The following MAGI2 variants were observed in gnomAD, a reference collection of about 807,000 sequenced individuals.
The protein encoded by MAGI2 is membrane associated guanylate kinase, WW and PDZ domain containing 2.
Under a neutral mutation model 133.3 loss-of-function variants are expected in MAGI2, and 35 were observed. That is an observed-to-expected ratio of 0.26 (90% CI 0.20 to 0.35). The LOEUF (loss-of-function observed/expected upper bound fraction) is 0.35, where lower values mean the gene tolerates loss of function less well. MAGI2 is among the 10% of genes least tolerant of loss of function. The pLI, the probability that MAGI2 is intolerant of heterozygous loss-of-function variation, is 1.00. For synonymous variants in MAGI2, 729 were observed against 710.6 expected, an observed-to-expected ratio of 1.03 and a Z score of -0.41; for missense variants, 1,636 against 1,863.4, an observed-to-expected ratio of 0.88 and a Z score of 2.25.
At chr7:78,781,025 T>G (rs1826350939) in intron 2 of MAGI2, among the ~76,000 whole-genome samples, 2 of 152,194 alleles carry the variant, frequency 1.3e-5, no homozygotes, top group Admixed American at 6.5e-5. Flanking sequence ...TTCTGATTAC[T>G]GAAACAATTT....
At chr7:79,404,651 T>C (rs529240146) in intron 1 of MAGI2, among the ~76,000 whole-genome samples, 1 of 152,220 alleles carries the variant, frequency 6.6e-6, no homozygotes, top group African/African-American at 2.4e-5. Flanking sequence ...AGACCACCCT[T>C]AGACCCAGGC....
chr7:78,066,030 A>G (rs967947988), intron 21 of MAGI2, among the ~76,000 whole-genome samples: 2 of 152,202 alleles, frequency 1.3e-5, no homozygotes, highest in African/African-American at 4.8e-5. Context: ...CTGTCATTTG[A>G]GAATCAGTCA....
intron 20 of MAGI2, among the ~76,000 whole-genome samples, chr7:78,109,652 A>C (rs80308874): frequency 0.12 from 18,812 of 152,184 alleles, 1,359 homozygotes; most frequent in South Asian, 0.19. Context: ...AAAACAAAAA[A>C]ACTTGTGAAC....
At chr7:78,097,924 G>A (rs1410868830) in intron 20 of MAGI2, among the ~76,000 whole-genome samples, 1 of 152,016 alleles carries the variant, frequency 6.6e-6, no homozygotes, top group Admixed American at 6.6e-5. Flanking sequence ...CTGTGGGTAG[G>A]GTGTATGTAG....
At chr7:78,329,456 C>A (rs139040406) in intron 9 of MAGI2, among the ~76,000 whole-genome samples, 1 of 152,184 alleles carries the variant, frequency 6.6e-6, no homozygotes, top group Non-Finnish European at 1.5e-5. Context: ...ATTCCACATA[C>A]CTGTGGATGA....
intron 10 of MAGI2, among the ~76,000 whole-genome samples, chr7:78,205,791 GA>G (rs1057273070): frequency 2.6e-5 from 4 of 151,804 alleles, no homozygotes; most frequent in East Asian, 3.9e-4. Context: ...ATTTCATTCA[GA>G]AAAAAAAGCC....
intron 10 of MAGI2, among the ~76,000 whole-genome samples, chr7:78,209,046 C>A (rs1444521810): frequency 6.8e-5 from 10 of 146,892 alleles, no homozygotes; most frequent in African/African-American, 2.5e-4. Context: ...CACGGTGAAA[C>A]CCTGTCTCTA....
At chr7:78,362,335 G>T (rs995978060) in intron 7 of MAGI2, among the ~76,000 whole-genome samples, 1 of 152,106 alleles carries the variant, frequency 6.6e-6, no homozygotes, top group African/African-American at 2.4e-5. Context: ...AAGTTTGAGG[G>T]ACTCTGTCAT....
chr7:78,481,252 A>G (rs1075007), intron 6 of MAGI2, among the ~76,000 whole-genome samples: 68,829 of 151,742 alleles, frequency 0.45, 15,790 homozygotes, highest in East Asian at 0.61. Context: ...GAGGCCTCAG[A>G]AAACTTATAA....
At chr7:78,356,080 G>T (rs1382589349) in intron 7 of MAGI2, among the ~76,000 whole-genome samples, 1 of 152,136 alleles carries the variant, frequency 6.6e-6, no homozygotes, top group African/African-American at 2.4e-5. Context: ...TTCCCTTAGG[G>T]CAAGTCCTAA....
chr7:79,439,956 C>T (rs1848390137), intron 1 of MAGI2, among the ~76,000 whole-genome samples: 1 of 152,080 alleles, frequency 6.6e-6, no homozygotes, highest in Admixed American at 6.6e-5. Flanking sequence ...TGACATGTGG[C>T]CATCCACTCC....
At chr7:78,343,282 G>T (rs1486223365) in intron 9 of MAGI2, among the ~76,000 whole-genome samples, 1 of 152,066 alleles carries the variant, frequency 6.6e-6, no homozygotes, top group African/African-American at 2.4e-5. Flanking sequence ...ATTTTTAAGG[G>T]CTAGAAAAGA....
At position 78,798,752 on chromosome 7, in the gene MAGI2, T is replaced by C. The variant is rs191689162; in HGVS notation, c.419-171513A>G. Among the ~76,000 whole-genome samples the C allele has an allele frequency of 5.3e-5, 8 of 152,270 alleles. No individual in the cohort carries two copies. In the East Asian group the frequency reaches 1.5e-3, roughly 29 times the overall value. On this transcript the variant is annotated intron_variant, in intron 2 of 21. Transcript: ENST00000354212. ...AATTTTCTCTCTGAGCTATACCCAG[T>C]AAAATGTGCAAGTAGAGAGCTCTGC...
chr7:78,966,933 T>C (rs1229420989), intron 2 of MAGI2, among the ~76,000 whole-genome samples: 2 of 151,806 alleles, frequency 1.3e-5, no homozygotes, highest in Non-Finnish European at 2.9e-5. Context: ...TATGTCTCTT[T>C]TTATTTATTT....
chr7:79,332,467 T>G (rs1490356638), intron 1 of MAGI2, among the ~76,000 whole-genome samples: 4 of 152,200 alleles, frequency 2.6e-5, no homozygotes, highest in Non-Finnish European at 2.9e-5. Context: ...TGGCACTTGA[T>G]TTCCAGACCA....
intron 1 of MAGI2, among the ~76,000 whole-genome samples, chr7:79,371,696 G>C (rs1200112853): frequency 1.3e-5 from 2 of 152,080 alleles, no homozygotes; most frequent in Non-Finnish European, 2.9e-5. Context: ...TGGCAAAATT[G>C]CTTAAAGATA....
At chr7:78,804,787 G>T (rs973028639) in intron 2 of MAGI2, among the ~76,000 whole-genome samples, 1 of 124,006 alleles carries the variant, frequency 8.1e-6, no homozygotes, top group African/African-American at 3.1e-5. Context: ...TGGCCCTTTG[G>T]CTGGGCACGG....
intron 1 of MAGI2, among the ~76,000 whole-genome samples, chr7:79,245,717 A>G (rs1832771786): frequency 6.6e-6 from 1 of 152,184 alleles, no homozygotes; most frequent in Non-Finnish European, 1.5e-5. Context: ...TGCCACCCTG[A>G]AGGGAAGGAC....
chr7:78,366,033 C>T (rs1171167482), intron 7 of MAGI2, among the ~76,000 whole-genome samples: 1 of 152,112 alleles, frequency 6.6e-6, no homozygotes, highest in Non-Finnish European at 1.5e-5. Flanking sequence ...TTTTTTGCTA[C>T]TGGGTTGGAA....
Sources: allele counts gnomAD v4.1 joint callset (sites outside exome capture counted in the v4.1 genomes callset), GRCh38; gene constraint gnomAD v4.1.1; transcripts MANE v1.5; gene names NCBI Gene and HGNC (gene_info 2026-07-23, HGNC 2026-07-21).